The following UGT8 variants were observed in gnomAD, a reference collection of about 807,000 sequenced individuals.
The protein encoded by UGT8 is UDP glycosyltransferase 8, also known as 2-hydroxyacylsphingosine 1-beta-galactosyltransferase.
A neutral mutation model predicts 40.5 loss-of-function variants in UGT8; 12 were observed. The ratio of observed to expected loss-of-function variants is 0.30; its 90% confidence interval spans 0.19 to 0.48. UGT8 has a LOEUF of 0.48. Among genes scored for constraint, UGT8 ranks in the 20% least tolerant of loss-of-function variants. The probability of loss-of-function intolerance (pLI) is 0.99; values close to 1 mark genes in which losing one functional copy is unlikely to be tolerated. For missense variants in UGT8, 513 were observed against 648.7 expected (o/e 0.79, Z 2.27); for synonymous variants, 224 against 240.4 (o/e 0.93, Z 0.63).
rs1214024183 is a variant in UGT8, at chr4:114,640,220, C to T, written c.822+16518C>T. ...TAATTTTTTGTATTTTTAGTAGAGACGGGGTTTCACCGTGTTAGCCAGGAT... is the reference window on the plus strand; with the variant it reads ...TAATTTTTTGTATTTTTAGTAGAGATGGGGTTTCACCGTGTTAGCCAGGAT... On this transcript the variant is annotated intron_variant, in intron 2 of 5. Transcript: ENST00000310836. Among the ~76,000 whole-genome samples, 8 of 151,816 alleles carry T rather than the reference C, an allele frequency of 5.3e-5. No individual in the cohort carries two copies. The East Asian group carries it at 9.7e-4, about 18-fold the overall frequency.
intron 2 of UGT8, among the ~76,000 whole-genome samples, chr4:114,643,044 T>C (rs1222860044): frequency 6.6e-6 from 1 of 152,186 alleles, no homozygotes; most frequent in Non-Finnish European, 1.5e-5. Flanking sequence ...TGGTTCTTAT[T>C]ATTTTAATGT....
At chr4:114,668,394 T>C in intron 5 of UGT8, 90 bp downstream of exon 5, 1 of 1,037,208 alleles carries the variant, frequency 9.6e-7, no homozygotes, top group East Asian at 2.5e-5. Flanking sequence ...TGTCAATAAA[T>C]TATCAAATTA....
At chr4:114,603,115 G>A (rs552409365) in intron 1 of UGT8, among the ~76,000 whole-genome samples, 15 of 152,276 alleles carry the variant, frequency 9.9e-5, no homozygotes, top group African/African-American at 3.4e-4. Flanking sequence ...TGACCAATTT[G>A]GTTGGAGGAT....
chr4:114,616,352 C>T (rs1278222416), intron 1 of UGT8, among the ~76,000 whole-genome samples: 1 of 152,182 alleles, frequency 6.6e-6, no homozygotes, highest in Non-Finnish European at 1.5e-5. Flanking sequence ...TCTCAGACTG[C>T]TGTGCTAGCA....
At chr4:114,633,719 G>A (rs1031211626) in intron 2 of UGT8, among the ~76,000 whole-genome samples, 3 of 152,182 alleles carry the variant, frequency 2.0e-5, no homozygotes, top group Non-Finnish European at 2.9e-5. Context: ...GCCAAAGTGG[G>A]CAGATCAAGA....
intron 2 of UGT8, among the ~76,000 whole-genome samples, chr4:114,640,740 G>A (rs1232015120): frequency 2.6e-5 from 4 of 152,146 alleles, no homozygotes; most frequent in Non-Finnish European, 5.9e-5. Context: ...GGCAAAGAGA[G>A]AGATTGTGCA....
intron 1 of UGT8, among the ~76,000 whole-genome samples, chr4:114,620,769 A>G (rs910463607): frequency 1.9e-4 from 29 of 152,174 alleles, no homozygotes; most frequent in Admixed American, 3.9e-4. Context: ...GGAAGAATCT[A>G]TTAGTTGCCT....
intron 5 of UGT8, among the ~76,000 whole-genome samples, chr4:114,670,763 G>A (rs1182055931): frequency 6.6e-6 from 1 of 152,152 alleles, no homozygotes; most frequent in Non-Finnish European, 1.5e-5. Context: ...ACAAGACAAG[G>A]ATGCCCTCTC....
chr4:114,671,455 A>T (rs1441075867), intron 5 of UGT8, among the ~76,000 whole-genome samples: 1 of 152,230 alleles, frequency 6.6e-6, no homozygotes, highest in African/African-American at 2.4e-5. Flanking sequence ...CTAAAATAGC[A>T]TGGTACTGGT....
At chr4:114,659,478 T>G (rs1734387398) in intron 2 of UGT8, among the ~76,000 whole-genome samples, 1 of 152,186 alleles carries the variant, frequency 6.6e-6, no homozygotes, top group Non-Finnish European at 1.5e-5. Context: ...TTGTGATCAT[T>G]TTCTTTTCAA....
chr4:114,675,876 G>A (rs374244824), intron 5 of UGT8, 49 bp from the exon 6 acceptor site: 2 of 1,529,598 alleles, frequency 1.3e-6, no homozygotes, highest in Non-Finnish European at 8.8e-7. Context: ...CATAAATATA[G>A]AACTTTATTA....
chr4:114,664,244 G>A (rs1359367518), intron 3 of UGT8, 107 bp downstream of exon 3: 5 of 1,247,850 alleles, frequency 4.0e-6, no homozygotes, highest in South Asian at 1.5e-5. Context: ...GACAAGATTA[G>A]CAAGATGCCC....
chr4:114,621,979 G>T (rs1731825806), intron 1 of UGT8, among the ~76,000 whole-genome samples: 1 of 151,810 alleles, frequency 6.6e-6, no homozygotes, highest in African/African-American at 2.4e-5. Flanking sequence ...TATACTTTAA[G>T]TTTTAGGGTA....
chr4:114,670,384 T>C (rs994261215), intron 5 of UGT8, among the ~76,000 whole-genome samples: 11 of 138,152 alleles, frequency 8.0e-5, no homozygotes, highest in African/African-American at 3.0e-4. Flanking sequence ...TGAGCCGAGA[T>C]TGCACCACTG....
intron 2 of UGT8, among the ~76,000 whole-genome samples, chr4:114,641,056 G>A (rs527802201): frequency 1.3e-5 from 2 of 152,296 alleles, no homozygotes; most frequent in East Asian, 3.9e-4. Flanking sequence ...ACTTTTGCAT[G>A]TGCTGTGTTC....
intron 2 of UGT8, among the ~76,000 whole-genome samples, chr4:114,650,888 C>A (rs1733857579): frequency 6.6e-6 from 1 of 151,794 alleles, no homozygotes; most frequent in Non-Finnish European, 1.5e-5. Context: ...TTTTTTCTAT[C>A]CTGCAACACC....
intron 1 of UGT8, among the ~76,000 whole-genome samples, chr4:114,611,183 G>A (rs1044190144): frequency 3.3e-5 from 5 of 151,696 alleles, no homozygotes; most frequent in African/African-American, 4.8e-5. Context: ...ACGTATACAC[G>A]TTAGACTGTA....
intron 2 of UGT8, among the ~76,000 whole-genome samples, chr4:114,652,009 A>G (rs1733921716): frequency 6.6e-6 from 1 of 152,102 alleles, no homozygotes; most frequent in Admixed American, 6.6e-5. Context: ...AAAAAAAATG[A>G]CATATGTATA....
intron 2 of UGT8, among the ~76,000 whole-genome samples, chr4:114,630,909 A>G (rs1032672849): frequency 1.1e-4 from 16 of 152,022 alleles, no homozygotes; most frequent in African/African-American, 3.9e-4. Context: ...ACACCTATCC[A>G]TTCTCCTGAC....
Sources: allele counts gnomAD v4.1 joint callset (sites outside exome capture counted in the v4.1 genomes callset), GRCh38; gene constraint gnomAD v4.1.1; transcripts MANE v1.5; gene names NCBI Gene and HGNC (gene_info 2026-07-23, HGNC 2026-07-21).